Variants in AVEN observed in about 807,000 individuals in gnomAD.
The protein encoded by AVEN is apoptosis and caspase activation inhibitor.
In AVEN, 41 loss-of-function variants were observed where a neutral mutation model predicts 38.1. The ratio of observed to expected loss-of-function variants is 1.08; its 90% CI spans 0.84 to 1.40. AVEN has a LOEUF of 1.40. Ranked by LOEUF, AVEN falls within the 40% of genes most tolerant of loss-of-function variation. The pLI is 0.00. For missense variants in AVEN, 605 were observed against 438.8 expected (o/e 1.38, Z -3.38); for synonymous variants, 206 against 171.8 (o/e 1.20, Z -1.56).
intron 2 of AVEN, among the ~76,000 whole-genome samples, chr15:33,890,197 T>C (rs773864727): frequency 6.6e-6 from 1 of 152,206 alleles, no homozygotes; most frequent in Non-Finnish European, 1.5e-5. Flanking sequence ...TATATAGTGA[T>C]CTTATCTTAG....
At chr15:34,005,666 A>T (rs1897309800) in intron 1 of AVEN, among the ~76,000 whole-genome samples, 1 of 152,200 alleles carries the variant, frequency 6.6e-6, no homozygotes, top group Non-Finnish European at 1.5e-5. Flanking sequence ...TCCCTCTTTC[A>T]TCGAGGAAAT....
chr15:33,904,661 C>G (rs909530328), intron 2 of AVEN, among the ~76,000 whole-genome samples: 1 of 143,660 alleles, frequency 7.0e-6, no homozygotes. Flanking sequence ...AATCCACCTG[C>G]CTTGGCCGAG....
chr15:33,915,205 GGA>G lies in AVEN; in HGVS notation c.446-39212_446-39211del, dbSNP rs1430375318. ...GCAGCTCCCACTCAGAGCAGCATGT[GGA>G]GACTCACATCGTGAACTTTTGCTCC... On this transcript the variant is annotated intron_variant, in intron 2 of 5. Transcript: ENST00000306730. 7.9e-5 allele frequency among the ~76,000 whole-genome samples: 12 copies of G among 152,234 alleles called. No individual in the cohort carries two copies. The East Asian group carries it at 1.9e-3, about 24-fold the overall frequency.
At chr15:34,024,860 CA>C (rs34957149) in intron 1 of AVEN, among the ~76,000 whole-genome samples, 3 of 145,888 alleles carry the variant, frequency 2.1e-5, no homozygotes, top group South Asian at 2.2e-4. Context: ...GACTCCTTCT[CA>C]AAAAAAAAAG....
intron 1 of AVEN, among the ~76,000 whole-genome samples, chr15:34,072,146 G>A (rs1270623217): frequency 3.3e-5 from 5 of 152,020 alleles, no homozygotes; most frequent in Non-Finnish European, 7.4e-5. Flanking sequence ...ACACCCGCCT[G>A]TAGTCCTAGC....
At chr15:33,978,803 GA>G (rs1465843473) in intron 2 of AVEN, among the ~76,000 whole-genome samples, 2 of 151,976 alleles carry the variant, frequency 1.3e-5, no homozygotes, top group Admixed American at 1.3e-4. Flanking sequence ...ATATTAGAAG[GA>G]TATATTAATA....
rs1352006803 is a variant in AVEN, at chr15:33,867,839, T to C, written c.629A>G (p.Glu210Gly). The C allele has an allele frequency of 1.2e-5, 19 of 1,593,696 alleles. No homozygotes were observed. The highest frequency in any genetic ancestry group is 1.6e-5 in the Non-Finnish European group (19 of 1,173,624). ...AELVQGTVPL[E>G]VPQVKPKRTD... ...TCTCTTTGGTTTCACCTGAGGAACC[T>C]CTAAAGGAACTGTACCCTGAAAGAG... Residue 210 changes from glutamate to glycine, a missense_variant, in exon 5 of 6, where the codon GAG becomes GGG. Physicochemically the swap from Glu to Gly is moderately conservative, Grantham distance 98 (BLOSUM62 -2). Coordinates refer to ENST00000306730, the MANE Select transcript of AVEN (RefSeq NM_020371.3).
At position 33,958,831 on chromosome 15, in the gene AVEN, C is replaced by G. The variant is rs116179545; in HGVS notation, c.445+44201G>C. Among the ~76,000 whole-genome samples the G allele has an allele frequency of 5.8e-3, 883 of 152,276 alleles. 6 individuals carry two copies. Among genetic ancestry groups the G allele is most frequent in the African/African-American group, 0.02 (845 of 41,552 alleles). ...CAATTCATCCTCTAAACTGCTAGAG[C>G]TATTTCTCTATGCCATAGGTGTGCT... On this transcript the variant is annotated intron_variant, in intron 2 of 5. Coordinates refer to ENST00000306730, the MANE Select transcript of AVEN (RefSeq NM_020371.3).
At chr15:34,069,210 A>G (rs372844140) in intron 2 of AVEN, among the ~76,000 whole-genome samples, 101 of 152,120 alleles carry the variant, frequency 6.6e-4, no homozygotes, top group African/African-American at 2.3e-3. Context: ...TCACGATGTC[A>G]GGAGTTTGAG....
At chr15:34,055,221 AGGCCC>A (rs1420096953) in intron 5 of AVEN, among the ~76,000 whole-genome samples, 2 of 147,086 alleles carry the variant, frequency 1.4e-5, no homozygotes, top group Non-Finnish European at 3.0e-5. Flanking sequence ...AAACAAGGCC[AGGCCC>A]GGTAGCTCGC....
intron 1 of AVEN, among the ~76,000 whole-genome samples, chr15:34,003,638 G>C (rs570017661): frequency 6.6e-6 from 1 of 152,090 alleles, no homozygotes; most frequent in African/African-American, 2.4e-5. Flanking sequence ...TAATTTTTTA[G>C]AGCAATGAAA....
chr15:33,905,887 A>G (rs937277817), intron 2 of AVEN, among the ~76,000 whole-genome samples: 2 of 151,770 alleles, frequency 1.3e-5, no homozygotes, highest in Non-Finnish European at 2.9e-5. Context: ...AACCAAATGC[A>G]CTGAAACACC....
chr15:33,963,952 G>T (rs1443709497), intron 2 of AVEN, among the ~76,000 whole-genome samples: 2 of 151,958 alleles, frequency 1.3e-5, no homozygotes, highest in African/African-American at 4.8e-5. Context: ...GAGTATTAGT[G>T]GGGCATTCAC....
At chr15:33,911,173 C>T (rs959882589) in intron 2 of AVEN, among the ~76,000 whole-genome samples, 3 of 152,278 alleles carry the variant, frequency 2.0e-5, no homozygotes, top group Non-Finnish European at 4.4e-5. Context: ...TCATCACTCA[C>T]AGTATCAAAA....
intron 2 of AVEN, among the ~76,000 whole-genome samples, chr15:33,899,679 G>A (rs11637226): frequency 0.62 from 93,646 of 151,384 alleles, 29,557 homozygotes; most frequent in Middle Eastern, 0.72. Context: ...TGTTGGCCAG[G>A]ATGGTCTCAG....
intron 1 of AVEN, among the ~76,000 whole-genome samples, chr15:34,013,599 G>A (rs184669750): frequency 6.5e-4 from 99 of 152,292 alleles, no homozygotes; most frequent in African/African-American, 2.3e-3. Flanking sequence ...GGAATACAAA[G>A]ACCAATAAGC....
intron 2 of AVEN, among the ~76,000 whole-genome samples, chr15:33,984,730 C>T (rs1201557380): frequency 6.6e-6 from 1 of 152,106 alleles, no homozygotes; most frequent in Non-Finnish European, 1.5e-5. Context: ...ATATGAGTTG[C>T]TTTTCATTGA....
At chr15:33,867,989 G>C in intron 4 of AVEN, 134 bp from the exon 5 acceptor site, 1 of 1,268,292 alleles carries the variant, frequency 7.9e-7, no homozygotes, top group Non-Finnish European at 1.1e-6. Context: ...TCACAAAGTG[G>C]CTCCTTTCCA....
intron 2 of AVEN, among the ~76,000 whole-genome samples, chr15:33,881,934 C>A (rs767454997): frequency 2.0e-5 from 3 of 152,148 alleles, no homozygotes; most frequent in Non-Finnish European, 4.4e-5. Context: ...GACAAGGGAA[C>A]AAACATGGAG....
Sources: gnomAD v4.1 joint callset for allele counts (sites outside exome capture counted in the v4.1 genomes callset) on GRCh38, gnomAD v4.1.1 for gene constraint, MANE v1.5 for transcripts, NCBI Gene and HGNC (gene_info 2026-07-23, HGNC 2026-07-21) for gene names.